TSPAN4: variants seen among roughly 807,000 people sequenced by gnomAD.
TSPAN4 encodes tetraspanin 4.
TSPAN4 carries 38 observed loss-of-function variants against 31.5 expected under a neutral mutation model. The observed-to-expected ratio is 1.21, with a 90% CI of 0.93 to 1.58. TSPAN4 has a LOEUF of 1.58. TSPAN4 is among the 40% of genes most tolerant of loss of function. The pLI is 0.00. For synonymous variants in TSPAN4, 186 were observed against 144.6 expected (o/e 1.29, Z -2.06); for missense variants, 330 against 317.3 (o/e 1.04, Z -0.30).
At chr11:855,949 C>T (rs1848020308) in intron 3 of TSPAN4, among the ~76,000 whole-genome samples, 1 of 152,178 alleles carries the variant, frequency 6.6e-6, no homozygotes, top group Non-Finnish European at 1.5e-5. Flanking sequence ...GGGCAGTGGG[C>T]TGAGGGCTGA....
intron 3 of TSPAN4, among the ~76,000 whole-genome samples, chr11:856,514 T>C (rs925875787): frequency 1.3e-5 from 2 of 152,216 alleles, no homozygotes; most frequent in Non-Finnish European, 2.9e-5. Flanking sequence ...CCAGCTGTCA[T>C]GGGGCGGGGT....
intron 2 of TSPAN4, among the ~76,000 whole-genome samples, chr11:849,409 C>G (rs917578992): frequency 6.6e-6 from 1 of 151,856 alleles, no homozygotes; most frequent in Admixed American, 6.5e-5. Context: ...CAGACAGCAA[C>G]GGGGTCACCC....
intron 1 of TSPAN4, among the ~76,000 whole-genome samples, chr11:845,997 G>T (rs1847302363): frequency 2.0e-5 from 3 of 152,194 alleles, no homozygotes; most frequent in African/African-American, 7.2e-5. Context: ...GACGGGCACT[G>T]GGGCCCCGCA....
chr11:855,386 C>G (rs1394793265), intron 3 of TSPAN4, among the ~76,000 whole-genome samples: 1 of 152,234 alleles, frequency 6.6e-6, no homozygotes, highest in African/African-American at 2.4e-5. Flanking sequence ...CCTTGCTGTT[C>G]CCACGCAGCC....
chr11:850,167 G>T, intron 2 of TSPAN4, 121 bp from the exon 3 acceptor site: 2 of 740,932 alleles, frequency 2.7e-6, no homozygotes, highest in Non-Finnish European at 2.1e-6. Context: ...GGACGCCGGG[G>T]GCTCCTTCTT....
In TSPAN4 at chr11:848,707, C is replaced by T; in HGVS notation, c.-18+1407C>T. 1.9e-6 allele frequency: 1 copy of T among 520,468 alleles called. No homozygotes were observed. The highest frequency in any genetic ancestry group is 2.7e-5 in the South Asian group (1 of 37,618). The allele number at this position is 520,468 out of a possible 1,614,324, so 32.2% of individuals were successfully genotyped here. A position where few individuals can be genotyped will look rare whatever the true frequency, so the allele number is the denominator to read the frequency against. Reference sequence around the variant, plus strand: ...CCTCTTCCTCCTGCCCTTCCTCATTCCCCACCTCTGGGCTTCAGGTCATCT... The same window carrying T: ...CCTCTTCCTCCTGCCCTTCCTCATTTCCCACCTCTGGGCTTCAGGTCATCT... On this transcript the variant is annotated intron_variant, in intron 2 of 8. Transcript: ENST00000397397. The surrounding 1 kb of genome is among the most constrained non-coding windows in gnomAD (Gnocchi z 5.7).
chr11:862,521 T>A (rs1389080251), intron 3 of TSPAN4, 29 bp from the exon 4 acceptor site: 7 of 1,577,516 alleles, frequency 4.4e-6, no homozygotes, highest in Non-Finnish European at 5.2e-6. Context: ...CCTCACCCTG[T>A]CTGTGTCTCT....
At chr11:844,715 G>GC (rs199690724) in intron 1 of TSPAN4, 3 of 150,006 alleles carry the variant, frequency 2.0e-5, no homozygotes, top group African/African-American at 7.4e-5. Flanking sequence ...CTGGGGGGGG[G>GC]GGTCTGGGAT....
At position 865,762 on chromosome 11, in the gene TSPAN4, C is replaced by T. The variant is rs768947915; in HGVS notation, c.501C>T (p.Asp167=). 1.9e-5 allele frequency: 31 copies of T among 1,612,988 alleles called. No individual in the cohort carries two copies. Among genetic ancestry groups the T allele is most frequent in the East Asian group, 1.6e-4 (7 of 44,850 alleles). ...TGTACAACGCCACGCGGGTACCTGA[C>T]TCCTGCTGCTTGGAGTTCAGTGAGA... ...FEVYNATRVP[D]SCCLEFSESC... Residue 167 remains aspartate (D), a synonymous_variant, in exon 7 of 9, where the codon GAC becomes GAT. Coordinates refer to ENST00000397397, the MANE Select transcript of TSPAN4 (RefSeq NM_003271.5).
At position 864,524 on chromosome 11, in the gene TSPAN4, T is replaced by G; in HGVS notation, c.330+13T>G. ...CTACACGGACAAGGTACGGCTGCCT[T>G]GGCCGCAGGCCCAACTGCAGGGCTG... On this transcript the variant is annotated intron_variant, in intron 5 of 8. Transcript: ENST00000397397. The G allele has an allele frequency of 6.2e-7, 1 of 1,611,350 alleles. No homozygotes were observed. Among genetic ancestry groups the G allele is most frequent in the Non-Finnish European group, 8.5e-7 (1 of 1,179,862 alleles).
At chr11:866,228 C>T (rs1038885824) in intron 8 of TSPAN4, among the ~76,000 whole-genome samples, 5 of 150,908 alleles carry the variant, frequency 3.3e-5, no homozygotes, top group South Asian at 2.1e-4. Flanking sequence ...GGCCGGTGGT[C>T]GTCCATGTTG....
intron 7 of TSPAN4, 35 bp downstream of exon 7, chr11:865,860 G>A: frequency 6.2e-7 from 1 of 1,612,520 alleles, no homozygotes; most frequent in Non-Finnish European, 8.5e-7. Flanking sequence ...GCTGGTAGGG[G>A]CCTAGAGGGC....
At chr11:853,170 G>A (rs1032872122) in intron 3 of TSPAN4, among the ~76,000 whole-genome samples, 2 of 152,066 alleles carry the variant, frequency 1.3e-5, no homozygotes, top group African/African-American at 4.8e-5. Context: ...GCGGTGGTCA[G>A]GGTGCAGCTT....
chr11:862,772 G>T (rs1163309135), intron 4 of TSPAN4, 31 bp downstream of exon 4: 1 of 1,582,034 alleles, frequency 6.3e-7, no homozygotes, highest in Admixed American at 1.7e-5. Context: ...GATGCTCCGG[G>T]TGGGACCACG....
intron 2 of TSPAN4, among the ~76,000 whole-genome samples, chr11:849,121 G>T (rs1489697258): frequency 6.6e-6 from 1 of 152,076 alleles, no homozygotes; most frequent in African/African-American, 2.4e-5. Flanking sequence ...CCCCGCTCCC[G>T]CATTGGGGAC....
intron 3 of TSPAN4, among the ~76,000 whole-genome samples, chr11:853,626 G>A (rs571071683): frequency 6.6e-6 from 1 of 152,328 alleles, no homozygotes; most frequent in South Asian, 2.1e-4. Flanking sequence ...GCCAGGGTGG[G>A]GAGGTAGGAT....
At chr11:852,248 C>G (rs965834029) in intron 3 of TSPAN4, among the ~76,000 whole-genome samples, 3 of 152,244 alleles carry the variant, frequency 2.0e-5, no homozygotes, top group Admixed American at 6.5e-5. Context: ...CTCAGCTTCC[C>G]GAATTGCTGG....
At chr11:862,343 T>TG (rs1848502872) in intron 3 of TSPAN4, 1 of 560,814 alleles carries the variant, frequency 1.8e-6, no homozygotes, top group South Asian at 2.3e-5. Flanking sequence ...GGTTTGGGGA[T>TG]GGGGTGCCAG....
Position 848,678 on chromosome 11 carries a change from CCCT to C in TSPAN4, c.-18+1383_-18+1385del, listed in dbSNP as rs1565129505. The C allele has an allele frequency of 2.0e-6, 1 of 501,908 alleles. No homozygotes were observed. Among genetic ancestry groups the C allele is most frequent in the African/African-American group, 2.0e-5 (1 of 50,854 alleles). 31.1% of individuals were successfully genotyped at this position (501,908 alleles called of 1,614,324 possible). A position where few individuals can be genotyped will look rare whatever the true frequency, so the allele number is the denominator to read the frequency against. On this transcript the variant is annotated intron_variant, in intron 2 of 8. Transcript: ENST00000397397. The surrounding 1 kb of genome is among the most constrained non-coding windows in gnomAD (Gnocchi z 5.7). Reference sequence around the variant, plus strand: ...CCCTTCCCCTCCCTTAGCTTCCTCTCCCTCCTCTTCCTCCTGCCCTTCCTCATT... The same window carrying C: ...CCCTTCCCCTCCCTTAGCTTCCTCTCCCTCTTCCTCCTGCCCTTCCTCATT...
Sources: gnomAD v4.1 joint callset for allele counts (sites outside exome capture counted in the v4.1 genomes callset) on GRCh38, gnomAD v4.1.1 for gene constraint, Gnocchi (gnomAD v3.1) non-coding constraint, MANE v1.5 for transcripts, NCBI Gene and HGNC (gene_info 2026-07-23, HGNC 2026-07-21) for gene names.